DSCAM: variants seen among roughly 807,000 people sequenced by gnomAD.
The protein encoded by DSCAM is DS cell adhesion molecule.
In DSCAM, 47 loss-of-function variants were observed where a neutral mutation model predicts 217.7. That is an observed-to-expected ratio of 0.22 (90% CI 0.17 to 0.28). DSCAM has a LOEUF of 0.28. Among genes scored for constraint, DSCAM ranks in the 10% least tolerant of loss-of-function variants. The pLI, the probability that DSCAM is intolerant of heterozygous loss-of-function variation, is 1.00. For missense variants in DSCAM, 2,080 were observed against 2,618.3 expected, an observed-to-expected ratio of 0.79 and a Z score of 4.49; for synonymous variants, 1,056 against 1,015.3, an observed-to-expected ratio of 1.04 and a Z score of -0.76.
At chr21:40,464,422 A>C (rs764432805) in intron 3 of DSCAM, among the ~76,000 whole-genome samples, 2 of 152,228 alleles carry the variant, frequency 1.3e-5, no homozygotes, top group Admixed American at 1.3e-4. Context: ...AACTGTTCAC[A>C]GTCACTTAAA....
At chr21:40,056,895 G>A (rs2089033512) in intron 28 of DSCAM, among the ~76,000 whole-genome samples, 3 of 152,128 alleles carry the variant, frequency 2.0e-5, no homozygotes, top group African/African-American at 4.8e-5. Flanking sequence ...CCCTCTAACC[G>A]AGCCATTTAC....
chr21:40,203,509 G>A (rs2091092894), intron 11 of DSCAM, among the ~76,000 whole-genome samples: 1 of 152,218 alleles, frequency 6.6e-6, no homozygotes, highest in Admixed American at 6.5e-5. Flanking sequence ...TACCCTGCGT[G>A]CATATTGCAG....
At chr21:40,275,021 T>TA (rs888658145) in intron 11 of DSCAM, among the ~76,000 whole-genome samples, 123 of 151,730 alleles carry the variant, frequency 8.1e-4, no homozygotes, top group African/African-American at 2.6e-3. Context: ...GAATTAAAGT[T>TA]AAAAAAAAGA....
chr21:40,225,377 C>T (rs2091323056), intron 11 of DSCAM, among the ~76,000 whole-genome samples: 1 of 152,182 alleles, frequency 6.6e-6, no homozygotes, highest in Non-Finnish European at 1.5e-5. Context: ...AGCCTCTTCC[C>T]CCAGCGATCT....
At chr21:40,090,136 C>T (rs911996604) in intron 21 of DSCAM, among the ~76,000 whole-genome samples, 2 of 152,174 alleles carry the variant, frequency 1.3e-5, no homozygotes, top group Admixed American at 6.5e-5. Context: ...AACCTACTGG[C>T]ATTTCCTCCT....
At chr21:40,595,595 C>T (rs2146251692) in intron 3 of DSCAM, among the ~76,000 whole-genome samples, 1 of 152,258 alleles carries the variant, frequency 6.6e-6, no homozygotes, top group Non-Finnish European at 1.5e-5. Context: ...GGAACGGGAA[C>T]ACAACCTTTG....
intron 20 of DSCAM, among the ~76,000 whole-genome samples, chr21:40,112,549 C>A (rs930341036): frequency 1.3e-5 from 2 of 151,804 alleles, no homozygotes; most frequent in Admixed American, 6.6e-5. Flanking sequence ...TAGCAGAAGG[C>A]AAGAAATAGC....
In DSCAM at chr21:40,084,210, T is replaced by TA. The variant is rs957340970; in HGVS notation, c.4133-205dup. On this transcript the variant is annotated intron_variant, in intron 23 of 32. Transcript: ENST00000400454. ...GATAGAACGGAGTGAATCTATTATT[T>TA]AAAAAAAAATTCAGCCACATTTCTA... is the stretch of plus-strand genomic sequence containing the variant. 2.0e-4 allele frequency among the ~76,000 whole-genome samples: 31 copies of TA among 151,828 alleles called. 1 individual carries two copies. Among genetic ancestry groups the TA allele is most frequent in the African/African-American group, 3.4e-4 (14 of 41,414 alleles).
At position 40,348,440 on chromosome 21, in the gene DSCAM, A is replaced by G. The variant is rs1038067328; in HGVS notation, c.935-495T>C. ...CTATCAGCCACATTATTGCAATCAT[A>G]CCCCATACGGTTCCTATCAGCCACA... On this transcript the variant is annotated intron_variant, in intron 5 of 32. Coordinates refer to ENST00000400454, the MANE Select transcript of DSCAM (RefSeq NM_001389.5). Among the ~76,000 whole-genome samples the G allele has an allele frequency of 2.9e-3, 432 of 151,556 alleles. 1 individual carries two copies. Among genetic ancestry groups the G allele is most frequent in the African/African-American group, 9.7e-3 (398 of 41,156 alleles).
At chr21:40,522,783 G>A (rs1056880470) in intron 3 of DSCAM, among the ~76,000 whole-genome samples, 3 of 152,068 alleles carry the variant, frequency 2.0e-5, no homozygotes, top group South Asian at 4.2e-4. Context: ...GTTTCCATTC[G>A]CAACTCCATC....
At chr21:40,585,948 G>A (rs919491848) in intron 3 of DSCAM, among the ~76,000 whole-genome samples, 5 of 152,094 alleles carry the variant, frequency 3.3e-5, no homozygotes, top group African/African-American at 1.2e-4. Context: ...CCTCTGCCTC[G>A]CAAGTTCAAG....
chr21:40,305,389 C>CAAAAAAAAA (rs58738453), intron 9 of DSCAM, among the ~76,000 whole-genome samples: 23 of 68,538 alleles, frequency 3.4e-4, no homozygotes, highest in African/African-American at 9.2e-4. Flanking sequence ...GATCCCGTCT[C>CAAAAAAAAA]AAAAAAAAAA....
rs140145655 is a variant in DSCAM, at chr21:40,640,855, C to T, written c.508+51955G>A. Among the ~76,000 whole-genome samples the T allele has an allele frequency of 2.3e-3, 347 of 151,990 alleles. 7 individuals carry two copies. The highest frequency in any genetic ancestry group is 6.6e-3 in the East Asian group (34 of 5,166). ...ACCCCACACACACAAAAACACCACACGCACACACACACCAGGGGACAATGA... is the reference window on the plus strand; with the variant it reads ...ACCCCACACACACAAAAACACCACATGCACACACACACCAGGGGACAATGA... On this transcript the variant is annotated intron_variant, in intron 3 of 32. Transcript: ENST00000400454.
intron 11 of DSCAM, among the ~76,000 whole-genome samples, chr21:40,234,611 C>T (rs1355373494): frequency 1.2e-4 from 19 of 152,076 alleles, no homozygotes; most frequent in Non-Finnish European, 1.2e-4. Context: ...TCCTGCTTCT[C>T]CTCTCTGTCT....
At chr21:40,535,122 T>C (rs2076485252) in intron 3 of DSCAM, among the ~76,000 whole-genome samples, 1 of 152,202 alleles carries the variant, frequency 6.6e-6, no homozygotes, top group South Asian at 2.1e-4. Flanking sequence ...TTACATTCCC[T>C]GTGTCTAAGT....
intron 1 of DSCAM, among the ~76,000 whole-genome samples, chr21:40,837,065 C>T (rs9982007): frequency 1.3e-5 from 2 of 152,138 alleles, no homozygotes; most frequent in Non-Finnish European, 1.5e-5. Flanking sequence ...GGAAGGCCCA[C>T]ATAGAAGGAT....
At chr21:40,052,179 T>C (rs2083819812) in intron 29 of DSCAM, 72 bp from the exon 30 acceptor site, 1 of 1,531,616 alleles carries the variant, frequency 6.5e-7, no homozygotes, top group South Asian at 1.2e-5. Flanking sequence ...GCCTTTTCTC[T>C]CCTGAGGCAC....
chr21:40,516,906 TAC>T (rs575655866), intron 3 of DSCAM, among the ~76,000 whole-genome samples: 2 of 145,558 alleles, frequency 1.4e-5, no homozygotes, highest in Non-Finnish European at 3.0e-5. Context: ...TATATATATA[TAC>T]ACACACACAC....
intron 3 of DSCAM, among the ~76,000 whole-genome samples, chr21:40,547,867 C>A (rs1290732010): frequency 6.6e-6 from 1 of 152,164 alleles, no homozygotes; most frequent in African/African-American, 2.4e-5. Flanking sequence ...AGGCAGGGAG[C>A]AAGACGAAGG....
Sources: allele counts gnomAD v4.1 joint callset (sites outside exome capture counted in the v4.1 genomes callset), GRCh38; gene constraint gnomAD v4.1.1; transcripts MANE v1.5; gene names NCBI Gene and HGNC (gene_info 2026-07-23, HGNC 2026-07-21).